The following FGF7 variants were observed in gnomAD, a reference collection of about 807,000 sequenced individuals.
FGF7 encodes the protein FGF-7.
Under a neutral mutation model 20.5 loss-of-function variants are expected in FGF7, and 6 were observed. The observed-to-expected ratio is 0.29, with a 90% CI of 0.16 to 0.58. The LOEUF is 0.58. FGF7 is among the 20% of genes least tolerant of loss of function. The pLI is 0.90. For missense variants in FGF7, 144 were observed against 228.8 expected, an observed-to-expected ratio of 0.63 and a Z score of 2.39; for synonymous variants, 64 against 74.7, an observed-to-expected ratio of 0.86 and a Z score of 0.74.
intron 2 of FGF7, among the ~76,000 whole-genome samples, chr15:49,461,347 A>T (rs1437615088): frequency 6.6e-6 from 1 of 152,222 alleles, no homozygotes; most frequent in African/African-American, 2.4e-5. Context: ...CTGAGTAGGT[A>T]TACAGTCAAT....
chr15:49,475,621 C>T (rs1157885439), intron 2 of FGF7, among the ~76,000 whole-genome samples: 4 of 148,992 alleles, frequency 2.7e-5, no homozygotes, highest in African/African-American at 1.0e-4. Flanking sequence ...TTAATTTTTT[C>T]ATAACATCTA....
chr15:49,437,195 G>A (rs915282218), intron 2 of FGF7, among the ~76,000 whole-genome samples: 1 of 151,426 alleles, frequency 6.6e-6, no homozygotes, highest in African/African-American at 2.4e-5. Flanking sequence ...TATATATACA[G>A]TTTAATTTCA....
At chr15:49,425,904 T>C (rs974894592) in intron 2 of FGF7, among the ~76,000 whole-genome samples, 1 of 151,646 alleles carries the variant, frequency 6.6e-6, no homozygotes, top group Non-Finnish European at 1.5e-5. Context: ...GAAATGACTA[T>C]TTGGAGAAAA....
intron 2 of FGF7, among the ~76,000 whole-genome samples, chr15:49,439,801 T>G (rs2051463793): frequency 6.6e-6 from 1 of 151,688 alleles, no homozygotes; most frequent in South Asian, 2.1e-4. Flanking sequence ...ACTGGATGAT[T>G]TGCTTGCTTA....
intron 2 of FGF7, among the ~76,000 whole-genome samples, chr15:49,471,113 G>A (rs1026922834): frequency 6.6e-6 from 1 of 152,156 alleles, no homozygotes; most frequent in Non-Finnish European, 1.5e-5. Context: ...TTTAAAGGGA[G>A]TAGAAAAACT....
chr15:49,478,342 T>C (rs1048775583), intron 2 of FGF7, among the ~76,000 whole-genome samples: 1 of 152,138 alleles, frequency 6.6e-6, no homozygotes, highest in Non-Finnish European at 1.5e-5. Flanking sequence ...AGGTTTTTTT[T>C]TTCTTATTGT....
chr15:49,455,853 TC>T (rs1200775634), intron 2 of FGF7, among the ~76,000 whole-genome samples: 3 of 152,126 alleles, frequency 2.0e-5, no homozygotes, highest in African/African-American at 7.2e-5. Context: ...ATGGCTTTTT[TC>T]TTTTTTTTCT....
At chr15:49,424,670 G>T in intron 2 of FGF7, 87 bp downstream of exon 2, 2 of 1,070,278 alleles carry the variant, frequency 1.9e-6, no homozygotes, top group Non-Finnish European at 2.6e-6. Flanking sequence ...TCTTCCTTTT[G>T]CTTCTTGGAA....
rs56097665 is a variant in FGF7 at position 49,479,599 on chromosome 15, G to GTTTT, written c.287-3526_287-3523dup. ...GTAGGATTTCATAGTTAATACCTCT[G>GTTTT]TTTTTTTTTTTTTTTTTTTTTTTTT... On this transcript the variant is annotated intron_variant, in intron 2 of 3. Transcript: ENST00000267843. Among the ~76,000 whole-genome samples the GTTTT allele has an allele frequency of 3.3e-4, 21 of 63,324 alleles. 2 individuals carry two copies. Among genetic ancestry groups the GTTTT allele is most frequent in the East Asian group, 1.5e-3 (3 of 2,044 alleles). The allele number at this position is 63,324 out of a possible 152,430, so 41.5% of individuals were successfully genotyped here. A position where few individuals can be genotyped will look rare whatever the true frequency, so the allele number is the denominator to read the frequency against.
At chr15:49,443,409 C>T (rs1318870026) in intron 2 of FGF7, among the ~76,000 whole-genome samples, 1 of 151,504 alleles carries the variant, frequency 6.6e-6, no homozygotes, top group East Asian at 2.0e-4. Context: ...TTGGACCCAA[C>T]TATGATAAGA....
At chr15:49,477,146 G>A (rs1203541615) in intron 2 of FGF7, among the ~76,000 whole-genome samples, 1 of 151,342 alleles carries the variant, frequency 6.6e-6, no homozygotes, top group East Asian at 1.9e-4. Context: ...TAAATATCTT[G>A]CACTAATGTG....
intron 2 of FGF7, 54 bp downstream of exon 2, chr15:49,424,637 T>C: frequency 7.4e-7 from 1 of 1,355,280 alleles, no homozygotes; most frequent in Non-Finnish European, 1.0e-6. Flanking sequence ...AATGGATCAA[T>C]TTTCAGGTGA....
chr15:49,484,248 G>C, intron 3 of FGF7, 62 bp from the exon 4 acceptor site: 1 of 1,246,884 alleles, frequency 8.0e-7, no homozygotes, highest in Non-Finnish European at 1.1e-6. Context: ...CTTACTCTTC[G>C]TTTAATTGAG....
chr15:49,473,318 C>A (rs1412354705), intron 2 of FGF7, among the ~76,000 whole-genome samples: 2 of 151,918 alleles, frequency 1.3e-5, no homozygotes, highest in African/African-American at 4.8e-5. Context: ...AAATTTATAA[C>A]CTTAACAAAC....
rs1002363112 is a variant in FGF7, at chr15:49,487,375, C to T, written c.*2871C>T. On this transcript the variant is annotated 3_prime_UTR_variant, in exon 4 of 4. Transcript: ENST00000267843. ...TGATAACAAAAGTAAACAAAAGATA[C>T]TTTCAAAGCAGTGAACAAAACATTT... 7 of 151,632 alleles carry T rather than the reference C, an allele frequency of 4.6e-5. No individual in the cohort carries two copies. Among genetic ancestry groups the T allele is most frequent in the Non-Finnish European group, 1.0e-4 (7 of 67,836 alleles). The allele number at this position is 151,632 out of a possible 1,614,324, so 9.4% of individuals were successfully genotyped here.
At chr15:49,438,843 G>GAGAC (rs1369941804) in intron 2 of FGF7, among the ~76,000 whole-genome samples, 2 of 151,104 alleles carry the variant, frequency 1.3e-5, no homozygotes, top group Non-Finnish European at 3.0e-5. Flanking sequence ...CTGAGAGAGA[G>GAGAC]AGTGGGTGGT....
At chr15:49,462,050 T>C (rs945816626) in intron 2 of FGF7, among the ~76,000 whole-genome samples, 1 of 151,828 alleles carries the variant, frequency 6.6e-6, no homozygotes, top group Non-Finnish European at 1.5e-5. Context: ...ACCTGGCAGG[T>C]GGCGGTTGCA....
chr15:49,437,585 C>T (rs2051224510), intron 2 of FGF7, among the ~76,000 whole-genome samples: 1 of 151,564 alleles, frequency 6.6e-6, no homozygotes, highest in Non-Finnish European at 1.5e-5. Flanking sequence ...GAAAACCAGA[C>T]ATGCATTATT....
chr15:49,483,348 C>T (rs1156319518), intron 3 of FGF7, 94 bp downstream of exon 3: 3 of 661,912 alleles, frequency 4.5e-6, no homozygotes, highest in Non-Finnish European at 5.3e-6. Context: ...ATTAATTTAT[C>T]TCCAACTGTA....
Sources: allele counts gnomAD v4.1 joint callset (sites outside exome capture counted in the v4.1 genomes callset), GRCh38; gene constraint gnomAD v4.1.1; transcripts MANE v1.5; gene names NCBI Gene and HGNC (gene_info 2026-07-23, HGNC 2026-07-21).